The following CPA6 variants were observed in gnomAD, a reference collection of about 807,000 sequenced individuals.
The protein encoded by CPA6 is carboxypeptidase B.
Under a neutral mutation model 63.3 loss-of-function variants are expected in CPA6, and 58 were observed. The ratio of observed to expected loss-of-function variants is 0.92; its 90% CI spans 0.74 to 1.14. The LOEUF is 1.14. CPA6 is among the 50% of genes most tolerant of loss of function. The pLI is 0.00. For synonymous variants in CPA6, 185 were observed against 179.0 expected, an observed-to-expected ratio of 1.03 and a Z score of -0.27; for missense variants, 565 against 526.6, an observed-to-expected ratio of 1.07 and a Z score of -0.71.
intron 1 of CPA6, among the ~76,000 whole-genome samples, chr8:67,704,913 G>A (rs965440744): frequency 6.6e-6 from 1 of 152,066 alleles, no homozygotes; most frequent in Non-Finnish European, 1.5e-5. Flanking sequence ...TATAAAAGTC[G>A]GCCTTAGAAA....
At chr8:67,643,988 A>G (rs879467116) in intron 1 of CPA6, among the ~76,000 whole-genome samples, 4 of 152,200 alleles carry the variant, frequency 2.6e-5, no homozygotes, top group Non-Finnish European at 5.9e-5. Flanking sequence ...GAGAAAGAAA[A>G]TAAGACTTGG....
In CPA6 at chr8:67,598,568, A is replaced by G. The variant is rs148256346; in HGVS notation, c.192+25608T>C. 3.2e-3 allele frequency among the ~76,000 whole-genome samples: 494 copies of G among 152,308 alleles called. 3 individuals are homozygous for G. Among genetic ancestry groups the G allele is most frequent in the African/African-American group, 0.011 (454 of 41,566 alleles). Reference sequence around the variant, plus strand: ...TTTAAGGGCAACAAAATTTGCTGACATATATTTTAAAATAACATTGTATTG... The same window carrying G: ...TTTAAGGGCAACAAAATTTGCTGACGTATATTTTAAAATAACATTGTATTG... On this transcript the variant is annotated intron_variant, in intron 2 of 10. Transcript: ENST00000297770.
chr8:67,704,472 G>A (rs1817091221), intron 1 of CPA6, among the ~76,000 whole-genome samples: 1 of 152,234 alleles, frequency 6.6e-6, no homozygotes, highest in South Asian at 2.1e-4. Flanking sequence ...ATGAGGACAA[G>A]AATATAGGCC....
intron 2 of CPA6, among the ~76,000 whole-genome samples, chr8:67,580,323 C>G (rs566764235): frequency 8.5e-5 from 13 of 152,262 alleles, no homozygotes; most frequent in East Asian, 5.8e-4. Context: ...ATCCTTCTAC[C>G]AACACAAGTT....
chr8:67,715,291 T>C (rs1206932520), intron 1 of CPA6, among the ~76,000 whole-genome samples: 1 of 152,214 alleles, frequency 6.6e-6, no homozygotes, highest in African/African-American at 2.4e-5. Flanking sequence ...TCTGACCAAC[T>C]GGCTATAAAC....
At chr8:67,675,517 T>A (rs1210457126) in intron 1 of CPA6, among the ~76,000 whole-genome samples, 3 of 152,172 alleles carry the variant, frequency 2.0e-5, no homozygotes, top group Non-Finnish European at 2.9e-5. Context: ...CCCTTGCCCA[T>A]CAAAACTGAC....
intron 1 of CPA6, among the ~76,000 whole-genome samples, chr8:67,675,327 T>C (rs1816446322): frequency 6.6e-6 from 1 of 152,188 alleles, no homozygotes; most frequent in Admixed American, 6.5e-5. Context: ...ACTCTCCTCC[T>C]GTCTTCACAA....
intron 8 of CPA6, among the ~76,000 whole-genome samples, chr8:67,460,235 G>T (rs1810770352): frequency 6.6e-6 from 1 of 152,166 alleles, no homozygotes; most frequent in South Asian, 2.1e-4. Context: ...CATAGCAGAG[G>T]ATCAATAGAT....
At chr8:67,731,974 T>A (rs1366342040) in intron 1 of CPA6, among the ~76,000 whole-genome samples, 1 of 152,214 alleles carries the variant, frequency 6.6e-6, no homozygotes, top group Non-Finnish European at 1.5e-5. Context: ...GGGTCGCTTC[T>A]CTAAATTTGG....
At chr8:67,609,558 A>C (rs944965302) in intron 2 of CPA6, among the ~76,000 whole-genome samples, 1 of 152,200 alleles carries the variant, frequency 6.6e-6, no homozygotes, top group African/African-American at 2.4e-5. Flanking sequence ...CCTGATTCAT[A>C]AGGGCTCTTA....
chr8:67,504,586 C>A (rs181364364), intron 6 of CPA6, among the ~76,000 whole-genome samples: 8 of 152,276 alleles, frequency 5.3e-5, no homozygotes, highest in Admixed American at 1.3e-4. Flanking sequence ...TGGCCCACAG[C>A]CAGTGAGGAC....
intron 6 of CPA6, among the ~76,000 whole-genome samples, chr8:67,488,824 G>C (rs150419561): frequency 6.6e-6 from 1 of 152,122 alleles, no homozygotes; most frequent in African/African-American, 2.4e-5. Context: ...AATTGTGAAT[G>C]GGAGTTCACT....
At chr8:67,427,964 T>G in intron 10 of CPA6, 83 bp downstream of exon 10, 1 of 898,332 alleles carries the variant, frequency 1.1e-6, no homozygotes, top group South Asian at 1.5e-5. Context: ...GAGAACACAC[T>G]TTCTCCCTTC....
chr8:67,640,752 C>A (rs1815572975), intron 1 of CPA6, among the ~76,000 whole-genome samples: 1 of 151,528 alleles, frequency 6.6e-6, no homozygotes, highest in Non-Finnish European at 1.5e-5. Flanking sequence ...TTGTCCCCAG[C>A]TCCTGCCCAC....
At position 67,622,939 on chromosome 8, in the gene CPA6, C is replaced by T. The variant is rs914915234; in HGVS notation, c.192+1237G>A. ...GAACCAATCACACCACACTTCTCAT[C>T]GTAACTTTTAGGTAAAAACTAACAC... On this transcript the variant is annotated intron_variant, in intron 2 of 10. Coordinates refer to ENST00000297770, the MANE Select transcript of CPA6 (RefSeq NM_020361.5). Among the ~76,000 whole-genome samples the T allele has an allele frequency of 9.2e-5, 14 of 152,268 alleles. No homozygotes were observed. The South Asian group carries it at 1.0e-3, about 11-fold the overall frequency.
intron 1 of CPA6, among the ~76,000 whole-genome samples, chr8:67,725,485 C>T (rs1817579884): frequency 6.6e-6 from 1 of 152,150 alleles, no homozygotes; most frequent in South Asian, 2.1e-4. Flanking sequence ...GACTTTAAGT[C>T]ATTTTACATC....
At chr8:67,549,616 C>A (rs1587548343) in intron 2 of CPA6, among the ~76,000 whole-genome samples, 3 of 152,118 alleles carry the variant, frequency 2.0e-5, no homozygotes, top group African/African-American at 7.2e-5. Context: ...AGATCTGTAC[C>A]TTTTGACTAA....
intron 8 of CPA6, among the ~76,000 whole-genome samples, chr8:67,434,670 C>T (rs372357444): frequency 6.6e-6 from 1 of 152,236 alleles, no homozygotes; most frequent in Non-Finnish European, 1.5e-5. Context: ...GGCTCCCTCG[C>T]TTGGCAACAA....
At chr8:67,463,578 T>A (rs2128957531) in intron 8 of CPA6, among the ~76,000 whole-genome samples, 1 of 152,318 alleles carries the variant, frequency 6.6e-6, no homozygotes, top group East Asian at 1.9e-4. Context: ...TACCTGAGTA[T>A]GTTGCATCAT....
Sources: gnomAD v4.1 joint callset for allele counts (sites outside exome capture counted in the v4.1 genomes callset) on GRCh38, gnomAD v4.1.1 for gene constraint, MANE v1.5 for transcripts, NCBI Gene and HGNC (gene_info 2026-07-23, HGNC 2026-07-21) for gene names.